The following PTGDR2 variants were observed in gnomAD, a reference collection of about 807,000 sequenced individuals.
PTGDR2 encodes the protein prostaglandin D2 receptor 2, also known as G-protein coupled receptor 44.
For missense variants in PTGDR2, 544 were observed against 576.6 expected (o/e 0.94, Z 0.58); for synonymous variants, 276 against 278.4 (o/e 0.99, Z 0.09).
Position 60,853,613 on chromosome 11 carries a change from A to G in PTGDR2, c.110T>C (p.Leu37Pro). ...SIRYIDHAAV[L>P]LHGLASLLGL... ...CAGCAGCGAGGCCAGCCCGTGCAGC[A>G]GCACGGCCGCGTGGTCGATGTAGCG... is the stretch of plus-strand genomic sequence containing the variant. The change falls in exon 2 of 2, where the codon CTG (leucine) becomes CCG (proline). Residue 37 changes from leucine (L) to proline (P), a missense_variant. Coordinates refer to ENST00000332539, the MANE Select transcript of PTGDR2 (RefSeq NM_004778.3). 1.3e-6 allele frequency: 2 copies of G among 1,556,666 alleles called. No homozygotes were observed. Among genetic ancestry groups the G allele is most frequent in the Non-Finnish European group, 8.7e-7 (1 of 1,149,706 alleles).
rs1217253964 is a variant in PTGDR2, at chr11:60,853,023, G to A, written c.700C>T (p.Gln234Ter). Reference sequence around the variant, plus strand: ...CCTGGCCGCCGGCGGCCGCGGTGCTGCAACCGCAGGCTCACGGCCGCGTGG... The same window carrying A: ...CCTGGCCGCCGGCGGCCGCGGTGCTACAACCGCAGGCTCACGGCCGCGTGG... ...SSHAAVSLRL[Q>*]HRGRRRPGRF... Residue 234 changes from glutamine (Q) to a stop codon, truncating the protein, a stop_gained, in exon 2 of 2, where the codon CAG (glutamine) becomes TAG (stop). Coordinates refer to ENST00000332539, the MANE Select transcript of PTGDR2 (RefSeq NM_004778.3). LOFTEE classifies it low-confidence loss of function (END_TRUNC). The A allele has an allele frequency of 2.0e-6, 3 of 1,523,942 alleles. No individual in the cohort carries two copies. The highest frequency in any genetic ancestry group is 2.6e-6 in the Non-Finnish European group (3 of 1,137,274). 94.4% of individuals were successfully genotyped at this position (1,523,942 alleles called of 1,614,324 possible).
intron 1 of PTGDR2, among the ~76,000 whole-genome samples, chr11:60,854,412 C>G (rs1855329199): frequency 1.3e-5 from 2 of 152,330 alleles, no homozygotes; most frequent in South Asian, 4.1e-4. Flanking sequence ...ACATGGGGCT[C>G]TGGAGGCCCA....
chr11:60,853,332 G>C lies in PTGDR2; in HGVS notation c.391C>G (p.Leu131Val). The C allele has an allele frequency of 6.2e-7, 1 of 1,610,300 alleles. No individual in the cohort carries two copies. Among genetic ancestry groups the C allele is most frequent in the Non-Finnish European group, 8.5e-7 (1 of 1,178,684 alleles). The change falls in exon 2 of 2, where the codon CTG becomes GTG. Residue 131 changes from leucine (L) to valine (V), a missense_variant. Coordinates refer to ENST00000332539, the MANE Select transcript of PTGDR2 (RefSeq NM_004778.3). ...LLSAISLDRC[L>V]QVVRPVWAQN... The stretch of plus-strand genomic sequence containing the variant: ...GCCCACACCGGCCGCACCACCTGCA[G>C]GCAGCGGTCCAGGCTGATGGCGCTG...
chr11:60,855,578 C>T (rs371427003), intron 1 of PTGDR2, among the ~76,000 whole-genome samples: 6 of 152,054 alleles, frequency 3.9e-5, no homozygotes, highest in Admixed American at 6.6e-5. Context: ...TTCCTGGCTG[C>T]GTGACCTTGG....
In PTGDR2 at chr11:60,852,648, G is replaced by C; in HGVS notation, c.1075C>G (p.Arg359Gly). 1 of 1,345,628 alleles carries C rather than the reference G, an allele frequency of 7.4e-7. No homozygotes were observed. The highest frequency in any genetic ancestry group is 9.6e-7 in the Non-Finnish European group (1 of 1,044,178). The allele number at this position is 1,345,628 out of a possible 1,614,324, so 83.4% of individuals were successfully genotyped here. ...RSASPLALCS[R>G]PEEPRGPARL... ...GCGGGGCCCCGCGGTTCCTCCGGGC[G>C]GCTGCAGAGAGCTAAAGGGGAGGCC... Residue 359 changes from arginine to glycine, a missense_variant, in exon 2 of 2, where the codon CGC becomes GGC. Transcript: ENST00000332539.
chr11:60,855,507 A>AG (rs1554976342), intron 1 of PTGDR2, among the ~76,000 whole-genome samples: 2 of 144,960 alleles, frequency 1.4e-5, no homozygotes, highest in Non-Finnish European at 3.0e-5. Context: ...AAAAAAAAAA[A>AG]GGGACAGAGA....
Position 60,852,957 on chromosome 11 carries a change from C to G in PTGDR2, c.766G>C (p.Ala256Pro). The change falls in exon 2 of 2, where the codon GCG becomes CCG. Residue 256 changes from alanine to proline, a missense_variant. Physicochemically the swap from Ala to Pro is conservative, Grantham distance 27 (BLOSUM62 -1). Coordinates refer to ENST00000332539, the MANE Select transcript of PTGDR2 (RefSeq NM_004778.3). ...RLVAAVVAAF[A>P]LCWGPYHVFS... ...ACGTGGTAGGGCCCCCAGCAGAGCG[C>G]GAAGGCGGCCACGACGGCCGCCACC... 1 of 1,413,614 alleles carries G rather than the reference C, an allele frequency of 7.1e-7. No individual in the cohort carries two copies. The highest frequency in any genetic ancestry group is 1.5e-5 in the South Asian group (1 of 65,080). 87.6% of individuals were successfully genotyped at this position (1,413,614 alleles called of 1,614,324 possible).
At position 60,852,801 on chromosome 11, in the gene PTGDR2, A is replaced by C. The variant is rs1855293866; in HGVS notation, c.922T>G (p.Cys308Gly). 1 of 1,557,532 alleles carries C rather than the reference A, an allele frequency of 6.4e-7. No individual in the cohort carries two copies. ...CGCAGCTTGCGCAGCATGTCGGGGC[A>C]GGTGAGCACGTAGAGCACCGGGTTG... ...VANPVLYVLT[C>G]PDMLRKLRRS... The change falls in exon 2 of 2, where the codon TGC becomes GGC. Residue 308 changes from cysteine to glycine, a missense_variant. Transcript: ENST00000332539.
chr11:60,852,839 A>C lies in PTGDR2; in HGVS notation c.884T>G (p.Phe295Cys). Residue 295 changes from phenylalanine (F) to cysteine (C), a missense_variant, in exon 2 of 2, where the codon TTC becomes TGC. Coordinates refer to ENST00000332539, the MANE Select transcript of PTGDR2 (RefSeq NM_004778.3). ...GLPFVTSLAF[F>C]NSVANPVLYV... ...GAGCACCGGGTTGGCCACGCTGTTG[A>C]AGAAGGCCAGGCTGGTGACGAAGGG... The C allele has an allele frequency of 6.4e-7, 1 of 1,558,366 alleles. No homozygotes were observed. Among genetic ancestry groups the C allele is most frequent in the Non-Finnish European group, 8.7e-7 (1 of 1,152,532 alleles).
rs768698494 is a variant in PTGDR2 at position 60,852,810 on chromosome 11, C to A, written c.913G>T (p.Val305Leu). The stretch of plus-strand genomic sequence containing the variant: ...CGCAGCATGTCGGGGCAGGTGAGCA[C>A]GTAGAGCACCGGGTTGGCCACGCTG... ...FNSVANPVLY[V>L]LTCPDMLRKL... Residue 305 changes from valine (V) to leucine (L), a missense_variant, in exon 2 of 2, where the codon GTG (valine) becomes TTG (leucine). By Grantham distance (32) the Val-to-Leu change is conservative. Coordinates refer to ENST00000332539, the MANE Select transcript of PTGDR2 (RefSeq NM_004778.3). The A allele has an allele frequency of 6.4e-5, 99 of 1,558,838 alleles. No individual in the cohort carries two copies. The highest frequency in any genetic ancestry group is 8.1e-5 in the Non-Finnish European group (93 of 1,152,880).
In PTGDR2 at chr11:60,852,180, A is replaced by C; in HGVS notation, c.*355T>G. Reference sequence around the variant, plus strand: ...TCCACTGCCCTAGAGTGGGAAGTCTATTATGAGTTTCACTTTGTGTTACTC... The same window carrying C: ...TCCACTGCCCTAGAGTGGGAAGTCTCTTATGAGTTTCACTTTGTGTTACTC... On this transcript the variant is annotated 3_prime_UTR_variant, in exon 2 of 2. Coordinates refer to ENST00000332539, the MANE Select transcript of PTGDR2 (RefSeq NM_004778.3). 8.1e-6 allele frequency: 2 copies of C among 245,602 alleles called. No homozygotes were observed. Among genetic ancestry groups the C allele is most frequent in the East Asian group, 7.5e-5 (1 of 13,246 alleles). 15.2% of individuals were successfully genotyped at this position (245,602 alleles called of 1,614,324 possible).
Position 60,851,658 on chromosome 11 carries a change from C to G in PTGDR2, c.*877G>C, listed in dbSNP as rs1384168557. The G allele has an allele frequency of 6.6e-6, 1 of 152,236 alleles. No homozygotes were observed. The highest frequency in any genetic ancestry group is 1.5e-5 in the Non-Finnish European group (1 of 68,050). 9.4% of individuals were successfully genotyped at this position (152,236 alleles called of 1,614,324 possible). A position where few individuals can be genotyped will look rare whatever the true frequency, so the allele number is the denominator to read the frequency against. On this transcript the variant is annotated 3_prime_UTR_variant, in exon 2 of 2. Coordinates refer to ENST00000332539, the MANE Select transcript of PTGDR2 (RefSeq NM_004778.3). ...CCATTCAACTTCTAACGACCGAAGACTTTTAGTCATTTCCCCCATTGGATT... is the reference window on the plus strand; with the variant it reads ...CCATTCAACTTCTAACGACCGAAGAGTTTTAGTCATTTCCCCCATTGGATT...
At position 60,853,663 on chromosome 11, in the gene PTGDR2, G is replaced by C; in HGVS notation, c.60C>G (p.Leu20=). 1 of 1,558,776 alleles carries C rather than the reference G, an allele frequency of 6.4e-7. No individual in the cohort carries two copies. The highest frequency in any genetic ancestry group is 1.2e-5 in the South Asian group (1 of 84,648). ...GGATGCTGGTGTTGCTGTGGCTCTGGAGACGGCTCATCTGCTCCAGGATGG... is the reference window on the plus strand; with the variant it reads ...GGATGCTGGTGTTGCTGTGGCTCTGCAGACGGCTCATCTGCTCCAGGATGG... ...LCPILEQMSR[L]QSHSNTSIRY... The change falls in exon 2 of 2, where the codon CTC becomes CTG. Residue 20 remains leucine (L), a synonymous_variant. Transcript: ENST00000332539.
Position 60,852,247 on chromosome 11 carries a change from G to C in PTGDR2, c.*288C>G. 1 of 359,282 alleles carries C rather than the reference G, an allele frequency of 2.8e-6. No individual in the cohort carries two copies. The allele number at this position is 359,282 out of a possible 1,614,324, so 22.3% of individuals were successfully genotyped here. On this transcript the variant is annotated 3_prime_UTR_variant, in exon 2 of 2. Coordinates refer to ENST00000332539, the MANE Select transcript of PTGDR2 (RefSeq NM_004778.3). The stretch of plus-strand genomic sequence containing the variant: ...ACCTGCCGCACTGGCTTCTCGGCCT[G>C]GGAGCTTGTTAAGTGCAGACTCTCA...
chr11:60,853,677 G>T lies in PTGDR2; in HGVS notation c.46C>A (p.Gln16Lys), dbSNP rs1439098402. 2 of 1,557,282 alleles carry T rather than the reference G, an allele frequency of 1.3e-6. No homozygotes were observed. Among genetic ancestry groups the T allele is most frequent in the African/African-American group, 1.4e-5 (1 of 73,654 alleles). ...CTGTGGCTCTGGAGACGGCTCATCT[G>T]CTCCAGGATGGGGCAGAGTGGCTTC... ...TLKPLCPILE[Q>K]MSRLQSHSNT... Residue 16 changes from glutamine to lysine, a missense_variant, in exon 2 of 2, where the codon CAG becomes AAG. Coordinates refer to ENST00000332539, the MANE Select transcript of PTGDR2 (RefSeq NM_004778.3).
At position 60,852,094 on chromosome 11, in the gene PTGDR2, C is replaced by G. The variant is rs1185183296; in HGVS notation, c.*441G>C. ...TGGTTTAACATAAAACTCCTTCCCC[C>G]CTCCCCCATCATCTGGTAAAACTGA... On this transcript the variant is annotated 3_prime_UTR_variant, in exon 2 of 2. Coordinates refer to ENST00000332539, the MANE Select transcript of PTGDR2 (RefSeq NM_004778.3). 5.8e-6 allele frequency: 1 copy of G among 171,764 alleles called. No individual in the cohort carries two copies. Among genetic ancestry groups the G allele is most frequent in the African/African-American group, 2.4e-5 (1 of 42,278 alleles). The allele number at this position is 171,764 out of a possible 1,614,324, so 10.6% of individuals were successfully genotyped here.
At position 60,851,757 on chromosome 11, in the gene PTGDR2, A is replaced by T. The variant is rs1299507126; in HGVS notation, c.*778T>A. The T allele has an allele frequency of 6.6e-6, 1 of 152,270 alleles. No homozygotes were observed. Among genetic ancestry groups the T allele is most frequent in the Non-Finnish European group, 1.5e-5 (1 of 68,058 alleles). The allele number at this position is 152,270 out of a possible 1,614,324, so 9.4% of individuals were successfully genotyped here. On this transcript the variant is annotated 3_prime_UTR_variant, in exon 2 of 2. Coordinates refer to ENST00000332539, the MANE Select transcript of PTGDR2 (RefSeq NM_004778.3). The stretch of plus-strand genomic sequence containing the variant: ...CTTCTGCCTTGGAAGCACTTTGGGC[A>T]GTGCTGGGTCACAAGGTAGCATCTT...
rs1469219018 is a variant in PTGDR2 at position 60,852,673 on chromosome 11, C to A, written c.1050G>T (p.Ser350=). 1 of 1,399,530 alleles carries A rather than the reference C, an allele frequency of 7.1e-7. No homozygotes were observed. 86.7% of individuals were successfully genotyped at this position (1,399,530 alleles called of 1,614,324 possible). ...GGCTGCAGAGAGCTAAAGGGGAGGC[C>A]GAGCGGGCGGTGGAGGAGGTGCGGC... ...RRRRTSSTAR[S]ASPLALCSRP... is the part of the protein sequence containing the mutation. The change falls in exon 2 of 2, where the codon TCG becomes TCT. Residue 350 remains serine (S), a synonymous_variant. Coordinates refer to ENST00000332539, the MANE Select transcript of PTGDR2 (RefSeq NM_004778.3).
At position 60,853,254 on chromosome 11, in the gene PTGDR2, C is replaced by A; in HGVS notation, c.469G>T (p.Ala157Ser). 6.2e-7 allele frequency: 1 copy of A among 1,613,164 alleles called. No homozygotes were observed. Among genetic ancestry groups the A allele is most frequent in the East Asian group, 2.2e-5 (1 of 44,870 alleles). The change falls in exon 2 of 2, where the codon GCA (alanine) becomes TCA (serine). Residue 157 changes from alanine to serine, a missense_variant. Ala to Ser is a moderately conservative substitution (Grantham distance 99). Transcript: ENST00000332539. ...AAHKVCLVLW[A>S]LAVLNTVPYF... ...GGCACCGTGTTGAGCACCGCTAGTG[C>A]CCAAAGCACCAGGCAGACTTTGTGC...
Sources: allele counts gnomAD v4.1 joint callset (sites outside exome capture counted in the v4.1 genomes callset), GRCh38; gene constraint gnomAD v4.1.1; transcripts MANE v1.5; gene names NCBI Gene and HGNC (gene_info 2026-07-23, HGNC 2026-07-21).